The following SNX2 variants were observed in gnomAD, a reference collection of about 807,000 sequenced individuals.
SNX2 encodes the protein sorting nexin 2.
SNX2 carries 25 observed loss-of-function variants against 69.9 expected under a neutral mutation model. That is an observed-to-expected ratio of 0.36 (90% CI 0.26 to 0.50). SNX2 has a LOEUF of 0.50. SNX2 is among the 20% of genes least tolerant of loss of function. The probability of loss-of-function intolerance (pLI) is 0.97; values close to 1 mark genes in which losing one functional copy is unlikely to be tolerated. For missense variants in SNX2, 551 were observed against 613.3 expected (o/e 0.90, Z 1.07); for synonymous variants, 229 against 200.4 (o/e 1.14, Z -1.20).
intron 1 of SNX2, among the ~76,000 whole-genome samples, chr5:122,786,143 T>C (rs1397042197): frequency 3.3e-5 from 5 of 152,222 alleles, no homozygotes; most frequent in Non-Finnish European, 1.5e-5. Flanking sequence ...ATATTTCTTA[T>C]TCTGAAGTTT....
chr5:122,780,603 G>C (rs1581621817), intron 1 of SNX2, among the ~76,000 whole-genome samples: 1 of 136,150 alleles, frequency 7.3e-6, no homozygotes. Flanking sequence ...ACAGAGTCTT[G>C]CGCTGTCCCA....
intron 6 of SNX2, among the ~76,000 whole-genome samples, chr5:122,806,140 G>GCGCGCGCGCACA (rs1561461101): frequency 6.6e-5 from 2 of 30,244 alleles, no homozygotes; most frequent in Non-Finnish European, 7.0e-5. Context: ...ACACACGCGC[G>GCGCGCGCGCACA]CGCACACACA....
intron 1 of SNX2, among the ~76,000 whole-genome samples, chr5:122,792,597 CAA>C (rs34776409): frequency 2.4e-4 from 26 of 108,158 alleles, no homozygotes; most frequent in African/African-American, 5.6e-4. Flanking sequence ...AACTTCATCT[CAA>C]AAAAAAAAAA....
chr5:122,813,977 T>G (rs1561467791), intron 7 of SNX2, among the ~76,000 whole-genome samples: 2 of 152,076 alleles, frequency 1.3e-5, no homozygotes, highest in Non-Finnish European at 2.9e-5. Flanking sequence ...TTTCACCATG[T>G]TGGTCAGGCT....
Position 122,801,953 on chromosome 5 carries a change from A to G in SNX2, c.457+18A>G, listed in dbSNP as rs760245458. On this transcript the variant is annotated intron_variant, in intron 4 of 14. Coordinates refer to ENST00000379516, the MANE Select transcript of SNX2 (RefSeq NM_003100.4). Reference sequence around the variant, plus strand: ...AAAAGTTGGTGAGTCAATACTTATTATATTTTGTATTTACTTTTTATTAGT... The same window carrying G: ...AAAAGTTGGTGAGTCAATACTTATTGTATTTTGTATTTACTTTTTATTAGT... The G allele has an allele frequency of 8.3e-6, 13 of 1,571,280 alleles. No individual in the cohort carries two copies. Among genetic ancestry groups the G allele is most frequent in the Non-Finnish European group, 1.1e-5 (13 of 1,144,842 alleles).
intron 1 of SNX2, among the ~76,000 whole-genome samples, chr5:122,777,582 G>A (rs982594454): frequency 9.9e-5 from 15 of 152,084 alleles, no homozygotes; most frequent in Admixed American, 3.3e-4. Flanking sequence ...ATTTGCAGGG[G>A]GATCAATTGA....
At chr5:122,782,964 G>T (rs1340511565) in intron 1 of SNX2, among the ~76,000 whole-genome samples, 2 of 150,548 alleles carry the variant, frequency 1.3e-5, no homozygotes, top group Admixed American at 1.3e-4. Context: ...TTGAGATGGA[G>T]TCTCGCTCTG....
At chr5:122,816,704 AT>A (rs1753907070) in intron 8 of SNX2, among the ~76,000 whole-genome samples, 1 of 151,378 alleles carries the variant, frequency 6.6e-6, no homozygotes, top group Non-Finnish European at 1.5e-5. Flanking sequence ...TGGAAAGTCT[AT>A]TTTTTAAGTT....
chr5:122,779,094 C>A (rs139875170), intron 1 of SNX2, among the ~76,000 whole-genome samples: 6 of 151,556 alleles, frequency 4.0e-5, no homozygotes, highest in African/African-American at 1.5e-4. Flanking sequence ...GTAGATAGTA[C>A]GTTTTAAAAA....
intron 1 of SNX2, among the ~76,000 whole-genome samples, chr5:122,783,624 T>C (rs1376585187): frequency 6.6e-6 from 1 of 152,216 alleles, no homozygotes; most frequent in Non-Finnish European, 1.5e-5. Context: ...TATTTCTGTT[T>C]TGTTTCATTG....
chr5:122,820,168 A>T (rs1420930209), intron 11 of SNX2, among the ~76,000 whole-genome samples: 7 of 152,196 alleles, frequency 4.6e-5, no homozygotes, highest in Admixed American at 3.9e-4. Flanking sequence ...CAATAGCATG[A>T]GACCTGTTGT....
intron 6 of SNX2, among the ~76,000 whole-genome samples, chr5:122,804,171 G>C (rs552976112): frequency 1.3e-5 from 2 of 152,052 alleles, no homozygotes; most frequent in Non-Finnish European, 2.9e-5. Flanking sequence ...GCAGTTGGAA[G>C]CCCTAACCTT....
intron 1 of SNX2, among the ~76,000 whole-genome samples, chr5:122,794,877 A>G (rs1443981043): frequency 6.6e-6 from 1 of 151,746 alleles, no homozygotes; most frequent in African/African-American, 2.4e-5. Flanking sequence ...TAAATAAATA[A>G]CCAGGTGTGG....
intron 1 of SNX2, among the ~76,000 whole-genome samples, chr5:122,786,796 G>A (rs563369292): frequency 6.6e-6 from 1 of 152,008 alleles, no homozygotes; most frequent in East Asian, 1.9e-4. Context: ...GTTGCTTTTT[G>A]TATTCTATCC....
chr5:122,815,976 T>A lies in SNX2; in HGVS notation c.798+5T>A. 1.3e-6 allele frequency: 2 copies of A among 1,510,908 alleles called. No individual in the cohort carries two copies. Among genetic ancestry groups the A allele is most frequent in the Non-Finnish European group, 1.8e-6 (2 of 1,096,136 alleles). The allele number at this position is 1,510,908 out of a possible 1,614,324, so 93.6% of individuals were successfully genotyped here. On this transcript the variant is annotated splice_donor_5th_base_variant and intron_variant, in intron 8 of 14. Coordinates refer to ENST00000379516, the MANE Select transcript of SNX2 (RefSeq NM_003100.4). ...CAGTTCTTGGAAAGTTCAGAGGTAT[T>A]ATTTCTATATTAAATGTTTGTATAT...
chr5:122,784,223 T>G (rs1377365602), intron 1 of SNX2, among the ~76,000 whole-genome samples: 1 of 151,128 alleles, frequency 6.6e-6, no homozygotes, highest in Non-Finnish European at 1.5e-5. Context: ...TTTTTTTTTT[T>G]CTCTTGTCCT....
chr5:122,800,618 T>C (rs1753484547), intron 3 of SNX2, among the ~76,000 whole-genome samples: 1 of 152,156 alleles, frequency 6.6e-6, no homozygotes, highest in Non-Finnish European at 1.5e-5. Context: ...TGAGCTGTAG[T>C]GATGATGCTT....
intron 2 of SNX2, among the ~76,000 whole-genome samples, chr5:122,797,253 C>T (rs1014261827): frequency 4.6e-5 from 7 of 152,148 alleles, no homozygotes; most frequent in Admixed American, 1.3e-4. Context: ...GTGTTTTATT[C>T]TACCTAGCAG....
intron 7 of SNX2, among the ~76,000 whole-genome samples, chr5:122,814,444 G>T (rs895126308): frequency 1.3e-5 from 2 of 152,084 alleles, no homozygotes; most frequent in Non-Finnish European, 2.9e-5. Context: ...GACTTCTTAT[G>T]TGGGCTACTG....
Sources: allele counts gnomAD v4.1 joint callset (sites outside exome capture counted in the v4.1 genomes callset), GRCh38; gene constraint gnomAD v4.1.1; transcripts MANE v1.5; gene names NCBI Gene and HGNC (gene_info 2026-07-23, HGNC 2026-07-21).